Variants in KCNIP3 observed in about 807,000 individuals in gnomAD.
The protein encoded by KCNIP3 is calsenilin.
A neutral mutation model predicts 35.0 loss-of-function variants in KCNIP3; 28 were observed. The ratio of observed to expected loss-of-function variants is 0.80; its 90% CI spans 0.59 to 1.10. The LOEUF is 1.10. Ranked by LOEUF, KCNIP3 falls within the 50% of genes least tolerant of loss-of-function variation. The pLI is 0.00. For synonymous variants in KCNIP3, 134 were observed against 133.8 expected, an observed-to-expected ratio of 1.00 and a Z score of -0.01; for missense variants, 295 against 338.4, an observed-to-expected ratio of 0.87 and a Z score of 1.01.
chr2:95,348,350 G>A (rs970533526), intron 2 of KCNIP3, among the ~76,000 whole-genome samples: 15 of 152,228 alleles, frequency 9.9e-5, no homozygotes, highest in African/African-American at 3.6e-4. Context: ...GTGTGGAGGG[G>A]TGAGCGTCCT....
intron 2 of KCNIP3, among the ~76,000 whole-genome samples, chr2:95,341,212 G>A (rs1408188270): frequency 6.6e-6 from 1 of 152,176 alleles, no homozygotes; most frequent in Non-Finnish European, 1.5e-5. Context: ...GAGATCTTGT[G>A]AGACCTGGGT....
At chr2:95,312,345 G>A (rs1245217205) in intron 2 of KCNIP3, 1 of 152,354 alleles carries the variant, frequency 6.6e-6, no homozygotes, top group Non-Finnish European at 1.5e-5. Flanking sequence ...GGTGACAGAG[G>A]GGCCGGCATG....
intron 3 of KCNIP3, 52 bp downstream of exon 3, chr2:95,374,472 A>T (rs1196798654): frequency 1.9e-6 from 3 of 1,594,210 alleles, no homozygotes; most frequent in Non-Finnish European, 2.6e-6. Flanking sequence ...TGGCTCAGGG[A>T]GACCTGGAAA....
At chr2:95,372,705 G>C (rs1355331757) in intron 2 of KCNIP3, among the ~76,000 whole-genome samples, 1 of 152,188 alleles carries the variant, frequency 6.6e-6, no homozygotes, top group Non-Finnish European at 1.5e-5. Context: ...GGGTAGGTGT[G>C]GGGTGAGGGC....
chr2:95,309,044 G>A (rs1346286480), intron 1 of KCNIP3, among the ~76,000 whole-genome samples: 5 of 152,198 alleles, frequency 3.3e-5, no homozygotes, highest in African/African-American at 1.2e-4. Flanking sequence ...ACATATGCAT[G>A]TGGGGGTGGT....
intron 2 of KCNIP3, among the ~76,000 whole-genome samples, chr2:95,333,114 G>A (rs569364894): frequency 2.6e-5 from 4 of 152,340 alleles, no homozygotes; most frequent in South Asian, 2.1e-4. Flanking sequence ...ATGCAGTCAC[G>A]CTGCAGCTAG....
Position 95,347,217 on chromosome 2 carries a change from G to C in KCNIP3, c.182-27079G>C, listed in dbSNP as rs931815429. The C allele has an allele frequency of 3.6e-6, 4 of 1,106,626 alleles. No individual in the cohort carries two copies. The African/African-American group carries it at 6.3e-5, about 17-fold the overall frequency. The allele number at this position is 1,106,626 out of a possible 1,614,324, so 68.6% of individuals were successfully genotyped here. ...CCCGCACGCCGGGGTGCACTGGTCTGGCGAGGAGCGGCCTGGGCCGCCGCC... is the reference window on the plus strand; with the variant it reads ...CCCGCACGCCGGGGTGCACTGGTCTCGCGAGGAGCGGCCTGGGCCGCCGCC... On this transcript the variant is annotated intron_variant, in intron 2 of 8. Coordinates refer to ENST00000295225, the MANE Select transcript of KCNIP3 (RefSeq NM_013434.5).
chr2:95,328,923 A>G (rs892033484), intron 2 of KCNIP3, among the ~76,000 whole-genome samples: 1 of 151,756 alleles, frequency 6.6e-6, no homozygotes, highest in African/African-American at 2.4e-5. Flanking sequence ...GGGGCCAGGG[A>G]CTCCTCTCAG....
At chr2:95,379,371 A>G (rs1440703930) in intron 5 of KCNIP3, among the ~76,000 whole-genome samples, 1 of 152,186 alleles carries the variant, frequency 6.6e-6, no homozygotes, top group East Asian at 1.9e-4. Context: ...ATTCAAGCCC[A>G]GGCCCTTCTC....
intron 2 of KCNIP3, among the ~76,000 whole-genome samples, chr2:95,324,460 G>GC (rs1454083158): frequency 6.6e-6 from 1 of 151,856 alleles, no homozygotes; most frequent in Non-Finnish European, 1.5e-5. Flanking sequence ...CTTGCAGTAA[G>GC]CGAGATTGCG....
At chr2:95,345,005 G>A (rs1310561444) in intron 2 of KCNIP3, among the ~76,000 whole-genome samples, 1 of 152,242 alleles carries the variant, frequency 6.6e-6, no homozygotes, top group Non-Finnish European at 1.5e-5. Context: ...CAACAGAGCT[G>A]TTTTCTCTGG....
intron 2 of KCNIP3, among the ~76,000 whole-genome samples, chr2:95,329,060 C>T (rs1208797169): frequency 2.0e-5 from 3 of 152,202 alleles, no homozygotes; most frequent in Non-Finnish European, 4.4e-5. Context: ...GGGCAAGTCA[C>T]CATGCCTCTC....
intron 7 of KCNIP3, 141 bp from the exon 8 acceptor site, chr2:95,383,091 G>A: frequency 1.4e-6 from 1 of 733,136 alleles, no homozygotes; most frequent in Non-Finnish European, 2.4e-6. Flanking sequence ...AGTCACAGGG[G>A]ACAAGTTAGA....
intron 2 of KCNIP3, among the ~76,000 whole-genome samples, chr2:95,335,586 T>C (rs1234960390): frequency 6.6e-6 from 1 of 152,238 alleles, no homozygotes; most frequent in Non-Finnish European, 1.5e-5. Context: ...ATAGCAGATG[T>C]ACCTACCTGT....
intron 2 of KCNIP3, among the ~76,000 whole-genome samples, chr2:95,315,861 G>C (rs576519243): frequency 2.3e-4 from 35 of 152,312 alleles, no homozygotes. Flanking sequence ...GCGCCCTCCA[G>C]ACCTGCCCTG....
intron 2 of KCNIP3, among the ~76,000 whole-genome samples, chr2:95,372,043 G>C (rs1680053227): frequency 6.6e-6 from 1 of 152,090 alleles, no homozygotes; most frequent in African/African-American, 2.4e-5. Flanking sequence ...GACCTCAGGT[G>C]ATCCACCCAC....
At chr2:95,300,115 C>T (rs1677984434) in intron 1 of KCNIP3, among the ~76,000 whole-genome samples, 1 of 152,194 alleles carries the variant, frequency 6.6e-6, no homozygotes, top group African/African-American at 2.4e-5. Flanking sequence ...GAAGGGCATG[C>T]CTTTAACCAG....
rs1336188585 is a variant in KCNIP3, at chr2:95,384,089, C to T, written c.*40C>T. Reference sequence around the variant, plus strand: ...AGTGCATGGCCACAGCCACCTCCACCCCCAAGAAACCTCCATCCTGCCAGG... The same window carrying T: ...AGTGCATGGCCACAGCCACCTCCACTCCCAAGAAACCTCCATCCTGCCAGG... On this transcript the variant is annotated 3_prime_UTR_variant, in exon 9 of 9. Transcript: ENST00000295225. The T allele has an allele frequency of 6.3e-7, 1 of 1,588,584 alleles. No individual in the cohort carries two copies. The highest frequency in any genetic ancestry group is 8.6e-7 in the Non-Finnish European group (1 of 1,157,248).
intron 2 of KCNIP3, 27 bp downstream of exon 2, chr2:95,310,547 AGGGTGG>A: frequency 2.0e-5 from 11 of 562,550 alleles, no homozygotes; most frequent in Non-Finnish European, 3.2e-5. Context: ...GCTGTGGTCA[AGGGTGG>A]GGGTGGGGAG....
Sources: allele counts gnomAD v4.1 joint callset (sites outside exome capture counted in the v4.1 genomes callset), GRCh38; gene constraint gnomAD v4.1.1; transcripts MANE v1.5; gene names NCBI Gene and HGNC (gene_info 2026-07-23, HGNC 2026-07-21).